Variants in PCDHGA2 observed in about 807,000 individuals in gnomAD.
PCDHGA2 encodes the protein protocadherin gamma-A2.
Under a neutral mutation model 59.2 loss-of-function variants are expected in PCDHGA2, and 40 were observed. The observed-to-expected ratio is 0.68, with a 90% CI of 0.52 to 0.88. The LOEUF (loss-of-function observed/expected upper bound fraction) is 0.88, where lower values mean the gene tolerates loss of function less well. PCDHGA2 is among the 40% of genes least tolerant of loss of function. The pLI, the probability that PCDHGA2 is intolerant of heterozygous loss-of-function variation, is 0.00. For synonymous variants in PCDHGA2, 560 were observed against 526.0 expected, an observed-to-expected ratio of 1.06 and a Z score of -0.89; for missense variants, 1,226 against 1,204.0, an observed-to-expected ratio of 1.02 and a Z score of -0.27.
intron 3 of PCDHGA2, among the ~76,000 whole-genome samples, chr5:141,505,956 T>C (rs1177913983): frequency 6.6e-6 from 1 of 152,102 alleles, no homozygotes; most frequent in Non-Finnish European, 1.5e-5. Flanking sequence ...TGAAAGTGGG[T>C]GTAGAAATCC....
At chr5:141,419,104 C>T (rs756257411) in intron 1 of PCDHGA2, 75 of 1,613,732 alleles carry the variant, frequency 4.6e-5, no homozygotes, top group Non-Finnish European at 5.9e-5. Context: ...GGGAGCAGAC[C>T]CCAGAGTACA....
chr5:141,398,660 T>C, intron 1 of PCDHGA2: 2 of 1,614,038 alleles, frequency 1.2e-6, no homozygotes, highest in Non-Finnish European at 1.7e-6. Context: ...AACCCAAGTT[T>C]CTCATTAATA....
intron 2 of PCDHGA2, among the ~76,000 whole-genome samples, chr5:141,500,216 ATTT>A (rs979396489): frequency 3.1e-4 from 46 of 149,244 alleles, no homozygotes; most frequent in Non-Finnish European, 6.7e-4. Context: ...TTATTTATTT[ATTT>A]ATTTATTGAT....
intron 1 of PCDHGA2, chr5:141,423,068 A>T: frequency 6.2e-7 from 1 of 1,614,090 alleles, no homozygotes; most frequent in Non-Finnish European, 8.5e-7. Context: ...AAGGCCAGCG[A>T]GCCGGGACTC....
intron 1 of PCDHGA2, chr5:141,346,574 C>G (rs1757774307): frequency 7.0e-7 from 1 of 1,420,428 alleles, no homozygotes; most frequent in Non-Finnish European, 9.5e-7. Flanking sequence ...AGTCCTTTGA[C>G]TAAATATTTG....
chr5:141,404,617 G>A (rs760355068), intron 1 of PCDHGA2: 4 of 1,614,032 alleles, frequency 2.5e-6, no homozygotes, highest in Non-Finnish European at 2.5e-6. Flanking sequence ...TTTTGGACCA[G>A]AATGACAATG....
At chr5:141,458,989 T>C (rs1341538997) in intron 1 of PCDHGA2, among the ~76,000 whole-genome samples, 1 of 152,134 alleles carries the variant, frequency 6.6e-6, no homozygotes, top group Non-Finnish European at 1.5e-5. Flanking sequence ...TGCCTCACCC[T>C]CCCAAAGTGC....
intron 1 of PCDHGA2, among the ~76,000 whole-genome samples, chr5:141,451,395 A>G (rs2098715118): frequency 6.6e-6 from 1 of 152,184 alleles, no homozygotes; most frequent in Admixed American, 6.6e-5. Context: ...AGTTAATGGC[A>G]AAATTAAGTT....
chr5:141,372,622 A>G lies in PCDHGA2; in HGVS notation c.2424+31227A>G, dbSNP rs1231771489. The G allele has an allele frequency of 6.2e-7, 1 of 1,613,952 alleles. No homozygotes were observed. The highest frequency in any genetic ancestry group is 1.6e-4 in the Middle Eastern group (1 of 6,062). On this transcript the variant is annotated intron_variant, in intron 1 of 3. Transcript: ENST00000394576. ...ACTGTACCTGGAGTTCTCCCCACCT[A>G]CAGCGAAAGGACTTTGCCTTATTCC...
intron 1 of PCDHGA2, chr5:141,372,478 C>A: frequency 6.2e-7 from 1 of 1,614,070 alleles, no homozygotes. Context: ...CTAGTAGTGG[C>A]GTTGGCCTTG....
At chr5:141,418,665 A>T in intron 1 of PCDHGA2, 1 of 1,614,070 alleles carries the variant, frequency 6.2e-7, no homozygotes, top group Non-Finnish European at 8.5e-7. Context: ...GCCACTGACC[A>T]GGACGAGGGC....
At chr5:141,480,167 G>C (rs752444894) in intron 1 of PCDHGA2, among the ~76,000 whole-genome samples, 3 of 151,964 alleles carry the variant, frequency 2.0e-5, no homozygotes, top group Non-Finnish European at 2.9e-5. Flanking sequence ...ATTTTGGGAG[G>C]CTGAGGCAGG....
At chr5:141,415,306 T>G (rs2095852502) in intron 1 of PCDHGA2, 2 of 1,614,222 alleles carry the variant, frequency 1.2e-6, no homozygotes, top group Non-Finnish European at 8.5e-7. Context: ...CTTCCTGGCC[T>G]TCGTCATCGT....
chr5:141,463,086 GC>G (rs1171354311), intron 1 of PCDHGA2, among the ~76,000 whole-genome samples: 1 of 152,098 alleles, frequency 6.6e-6, no homozygotes, highest in African/African-American at 2.4e-5. Context: ...ACATTTTCCA[GC>G]CCTATGTGAC....
At chr5:141,403,125 A>G (rs755647554) in intron 1 of PCDHGA2, 2 of 1,614,028 alleles carry the variant, frequency 1.2e-6, no homozygotes. Context: ...GAGCCCCGGG[A>G]GCTGGCGGAG....
At position 141,436,830 on chromosome 5, in the gene PCDHGA2, T is replaced by C. The variant is rs1054296892; in HGVS notation, c.2425-57977T>C. On this transcript the variant is annotated intron_variant, in intron 1 of 3. Coordinates refer to ENST00000394576, the MANE Select transcript of PCDHGA2 (RefSeq NM_018915.4). ...TGACAGCTGGTTTAAAAATCTTAAGTGCCTAGGCACATTCTTGATTGAGAA... is the reference window on the plus strand; with the variant it reads ...TGACAGCTGGTTTAAAAATCTTAAGCGCCTAGGCACATTCTTGATTGAGAA... Among the ~76,000 whole-genome samples, 37 of 152,252 alleles carry C rather than the reference T, an allele frequency of 2.4e-4. 1 individual carries two copies.
At chr5:141,428,114 C>CG in intron 1 of PCDHGA2, 2 of 1,607,202 alleles carry the variant, frequency 1.2e-6, no homozygotes, top group Non-Finnish European at 1.7e-6. Flanking sequence ...TGCAGGCCAT[C>CG]GAGCCCGGGC....
At chr5:141,364,904 C>A (rs748515825) in intron 1 of PCDHGA2, 1 of 1,613,994 alleles carries the variant, frequency 6.2e-7, no homozygotes, top group South Asian at 1.1e-5. Flanking sequence ...ACAAAAGTAT[C>A]CGGAGCTGGT....
At chr5:141,464,682 T>C (rs1442997972) in intron 1 of PCDHGA2, among the ~76,000 whole-genome samples, 1 of 152,132 alleles carries the variant, frequency 6.6e-6, no homozygotes, top group Non-Finnish European at 1.5e-5. Flanking sequence ...TTAATTAAAA[T>C]TTCTCTTATT....
Sources: gnomAD v4.1 joint callset for allele counts (sites outside exome capture counted in the v4.1 genomes callset) on GRCh38, gnomAD v4.1.1 for gene constraint, MANE v1.5 for transcripts, NCBI Gene and HGNC (gene_info 2026-07-23, HGNC 2026-07-21) for gene names.